The following EIF2AK1 variants were observed in gnomAD, a reference collection of about 807,000 sequenced individuals.
EIF2AK1 encodes the protein eukaryotic translation initiation factor 2-alpha kinase 1.
EIF2AK1 carries 54 observed loss-of-function variants against 77.9 expected under a neutral mutation model. The ratio of observed to expected loss-of-function variants is 0.69; its 90% CI spans 0.56 to 0.87. EIF2AK1 has a LOEUF of 0.87. Among genes scored for constraint, EIF2AK1 ranks in the 40% least tolerant of loss-of-function variants. The pLI, the probability that EIF2AK1 is intolerant of heterozygous loss-of-function variation, is 0.00. For missense variants in EIF2AK1, 810 were observed against 768.6 expected, an observed-to-expected ratio of 1.05 and a Z score of -0.64; for synonymous variants, 314 against 290.5, an observed-to-expected ratio of 1.08 and a Z score of -0.82.
Position 6,037,405 on chromosome 7 carries a change from T to C in EIF2AK1, c.1332+19A>G, listed in dbSNP as rs987159266. 4 of 1,542,668 alleles carry C rather than the reference T, an allele frequency of 2.6e-6. No homozygotes were observed. The highest frequency in any genetic ancestry group is 3.6e-6 in the Non-Finnish European group (4 of 1,118,256). ...ACAAAGCTCCCACTGCTTTCAATGA[T>C]TTCATCGCCCCCACTTACCTTCAGA... On this transcript the variant is annotated intron_variant, in intron 11 of 14. Coordinates refer to ENST00000199389, the MANE Select transcript of EIF2AK1 (RefSeq NM_014413.4).
chr7:6,036,187 G>T lies in EIF2AK1; in HGVS notation c.1332+1237C>A, dbSNP rs867975463. The T allele has an allele frequency of 1.3e-6, 2 of 1,549,700 alleles. No individual in the cohort carries two copies. Among genetic ancestry groups the T allele is most frequent in the Non-Finnish European group, 1.7e-6 (2 of 1,146,550 alleles). On this transcript the variant is annotated intron_variant, in intron 11 of 14. Coordinates refer to ENST00000199389, the MANE Select transcript of EIF2AK1 (RefSeq NM_014413.4). This position sits in a 1 kb window ranked among gnomAD's most constrained non-coding sequence, Gnocchi z 4.6. ...AATAACCAAGGAATTCTACCTGCAG[G>T]AATCATGCTACCAGAATTCCGCCTC...
rs1441716910 is a variant in EIF2AK1, at chr7:6,058,983, G to C, written c.101C>G (p.Pro34Arg). 1 of 1,541,246 alleles carries C rather than the reference G, an allele frequency of 6.5e-7. No individual in the cohort carries two copies. Residue 34 changes from proline to arginine, a missense_variant, in exon 1 of 15, where the codon CCG becomes CGG. Physicochemically the swap from Pro to Arg is moderately radical, Grantham distance 103. Around this residue, in one of 3 missense-constraint regions of EIF2AK1, gnomAD observed 246 missense variants for 199.0 expected, o/e 1.24. Transcript: ENST00000199389. ...TCCCTCACCGTCATATTCGGGGTCCGGGCCCTCGGCGGGAAAGTCGATGGC... is the reference window on the plus strand; with the variant it reads ...TCCCTCACCGTCATATTCGGGGTCCCGGCCCTCGGCGGGAAAGTCGATGGC... ...PPAIDFPAEG[P>R]DPEYDESDVP...
chr7:6,045,975 C>T (rs1343410016), intron 6 of EIF2AK1, 96 bp downstream of exon 6: 2 of 667,916 alleles, frequency 3.0e-6, no homozygotes, highest in Non-Finnish European at 4.8e-6. Context: ...ATCCACACCG[C>T]CTACTTTTGC....
At chr7:6,028,735 A>G (rs1213355922) in intron 12 of EIF2AK1, 38 bp from the exon 13 acceptor site, 2 of 1,588,624 alleles carry the variant, frequency 1.3e-6, no homozygotes, top group East Asian at 4.5e-5. Flanking sequence ...CATTGCAGTT[A>G]GCGCTGTCAA....
At chr7:6,049,840 G>T in intron 3 of EIF2AK1, 72 bp downstream of exon 3, 1 of 1,402,450 alleles carries the variant, frequency 7.1e-7, no homozygotes, top group Non-Finnish European at 9.8e-7. Context: ...ATTTCACAGT[G>T]CTTTAAAATA....
intron 9 of EIF2AK1, among the ~76,000 whole-genome samples, chr7:6,038,960 G>A (rs1345298628): frequency 6.6e-6 from 1 of 152,096 alleles, no homozygotes; most frequent in Non-Finnish European, 1.5e-5. Context: ...GGGGTCCAAT[G>A]GCAGAAGCTC....
chr7:6,038,605 C>A lies in EIF2AK1; in HGVS notation c.1186G>T (p.Val396Phe). ...LCELSLWDWI[V>F]ERNKRGREYV... ...TCCCGGCCCCGCTTGTTTCTCTCGA[C>A]TATCCAATCCCACAGCGAGAGCTCA... is the stretch of plus-strand genomic sequence containing the variant. The change falls in exon 10 of 15, where the codon GTC becomes TTC. Residue 396 changes from valine (V) to phenylalanine (F), a missense_variant. Transcript: ENST00000199389. The A allele has an allele frequency of 2.5e-6, 4 of 1,613,260 alleles. No homozygotes were observed. Among genetic ancestry groups the A allele is most frequent in the Non-Finnish European group, 3.4e-6 (4 of 1,179,608 alleles).
At chr7:6,054,329 G>A (rs916857046) in intron 2 of EIF2AK1, among the ~76,000 whole-genome samples, 3 of 151,900 alleles carry the variant, frequency 2.0e-5, no homozygotes, top group South Asian at 4.2e-4. Flanking sequence ...TCAGCCTCCC[G>A]AGTAGCTGGG....
intron 11 of EIF2AK1, among the ~76,000 whole-genome samples, chr7:6,034,650 C>A (rs897947605): frequency 2.6e-5 from 4 of 152,234 alleles, no homozygotes; most frequent in African/African-American, 9.6e-5. Flanking sequence ...TCACCATATC[C>A]ATAGCCTAGG....
chr7:6,024,022 G>A lies in EIF2AK1; in HGVS notation c.*651C>T. ...AGGAAGTACCGGGGAACAGTGCAGG[G>A]CAAAGGCAGGAAAGAGATCTGAGCT... On this transcript the variant is annotated 3_prime_UTR_variant, in exon 15 of 15. Coordinates refer to ENST00000199389, the MANE Select transcript of EIF2AK1 (RefSeq NM_014413.4). 6.0e-6 allele frequency: 8 copies of A among 1,323,466 alleles called. No individual in the cohort carries two copies. Among genetic ancestry groups the A allele is most frequent in the Non-Finnish European group, 6.9e-6 (7 of 1,012,396 alleles). The allele number at this position is 1,323,466 out of a possible 1,614,324, so 82.0% of individuals were successfully genotyped here. A position where few individuals can be genotyped will look rare whatever the true frequency, so the allele number is the denominator to read the frequency against.
chr7:6,056,090 C>G (rs1165415158), intron 1 of EIF2AK1, among the ~76,000 whole-genome samples: 1 of 149,690 alleles, frequency 6.7e-6, no homozygotes, highest in Non-Finnish European at 1.5e-5. Flanking sequence ...GTCAGGAGCT[C>G]AGGACCAGCC....
rs1313065202 is a variant in EIF2AK1 at position 6,038,542 on chromosome 7, G to C, written c.1231+18C>G. 6.3e-7 allele frequency: 1 copy of C among 1,597,974 alleles called. No homozygotes were observed. The highest frequency in any genetic ancestry group is 8.5e-7 in the Non-Finnish European group (1 of 1,170,230). ...ACTGTGTCTATTTCCCGGCCCGGCA[G>C]ACCCAGATGGTACTCACAGGCAGAC... On this transcript the variant is annotated intron_variant, in intron 10 of 14. Transcript: ENST00000199389.
chr7:6,026,975 A>G lies in EIF2AK1; in HGVS notation c.1531-14T>C, dbSNP rs142683877. 4.4e-3 allele frequency: 7,060 copies of G among 1,601,134 alleles called. 41 individuals are homozygous for G. Among genetic ancestry groups the G allele is most frequent in the Middle Eastern group, 0.018 (111 of 6,042 alleles). On this transcript the variant is annotated splice_polypyrimidine_tract_variant and intron_variant, in intron 13 of 14. Coordinates refer to ENST00000199389, the MANE Select transcript of EIF2AK1 (RefSeq NM_014413.4). ...GTACATATCTGACTGGAAAAAGAAA[A>G]AAAGGGGAACTCAGTAGTGAAATAC...
chr7:6,029,354 G>A lies in EIF2AK1; in HGVS notation c.1333-322C>T, dbSNP rs550902171. 1.7e-3 allele frequency among the ~76,000 whole-genome samples: 265 copies of A among 152,052 alleles called. 1 individual carries two copies. The highest frequency in any genetic ancestry group is 2.8e-3 in the Non-Finnish European group (192 of 67,986). On this transcript the variant is annotated intron_variant, in intron 11 of 14. Transcript: ENST00000199389. ...GTCTCTAAAAAATACAAAATTAGGT[G>A]TGGTGGCACGTGCCTGTAATCCCTG...
At position 6,033,989 on chromosome 7, in the gene EIF2AK1, C is replaced by T. The variant is rs111944894; in HGVS notation, c.1332+3435G>A. Among the ~76,000 whole-genome samples, 330 of 152,026 alleles carry T rather than the reference C, an allele frequency of 2.2e-3. No individual in the cohort carries two copies. The highest frequency in any genetic ancestry group is 3.7e-3 in the Non-Finnish European group (254 of 68,000). ...CCAAATCAATGCCTGACACTTAGCA[C>T]GTGCTCAGTAATACTATCCGAGTGA... On this transcript the variant is annotated intron_variant, in intron 11 of 14. Coordinates refer to ENST00000199389, the MANE Select transcript of EIF2AK1 (RefSeq NM_014413.4). The surrounding 1 kb of genome is among the most constrained non-coding windows in gnomAD (Gnocchi z 4.4).
chr7:6,054,492 C>G (rs1450681117), intron 2 of EIF2AK1, 54 bp downstream of exon 2: 5 of 1,595,710 alleles, frequency 3.1e-6, no homozygotes, highest in Admixed American at 3.4e-5. Context: ...GCATGAACCA[C>G]GGAGCCCAGC....
intron 7 of EIF2AK1, among the ~76,000 whole-genome samples, chr7:6,044,229 C>A (rs570082601): frequency 6.6e-6 from 1 of 152,122 alleles, no homozygotes; most frequent in East Asian, 1.9e-4. Context: ...CTTTGGGAGG[C>A]CGAGGCGGGC....
In EIF2AK1 at chr7:6,032,817, GTGT is replaced by G; in HGVS notation, c.1333-3788_1333-3786del. On this transcript the variant is annotated intron_variant, in intron 11 of 14. Coordinates refer to ENST00000199389, the MANE Select transcript of EIF2AK1 (RefSeq NM_014413.4). This position sits in a 1 kb window ranked among gnomAD's most constrained non-coding sequence, Gnocchi z 4.3. Reference sequence around the variant, plus strand: ...TTAACTACACAGGGCCACTTGTAATGTGTTTTGTTTTCCCTCCAAAGCCGACAG... The same window carrying G: ...TTAACTACACAGGGCCACTTGTAATGTTTGTTTTCCCTCCAAAGCCGACAG... 6.5e-7 allele frequency: 1 copy of G among 1,536,862 alleles called. No homozygotes were observed. The highest frequency in any genetic ancestry group is 8.8e-7 in the Non-Finnish European group (1 of 1,134,578).
At chr7:6,026,674 A>G (rs929082066) in intron 14 of EIF2AK1, 54 bp downstream of exon 14, 2 of 1,433,948 alleles carry the variant, frequency 1.4e-6, no homozygotes, top group African/African-American at 2.8e-5. Flanking sequence ...CTTCCCCAAG[A>G]GAGGCAATAA....
Sources: gnomAD v4.1 joint callset for allele counts (sites outside exome capture counted in the v4.1 genomes callset) on GRCh38, gnomAD v4.1.1 for gene constraint, gnomAD v4.1.1 regional missense constraint, Gnocchi (gnomAD v3.1) non-coding constraint, MANE v1.5 for transcripts, NCBI Gene and HGNC (gene_info 2026-07-23, HGNC 2026-07-21) for gene names.